Variants in SEC11C observed in about 807,000 individuals in gnomAD.
SEC11C encodes the protein SEC11 homolog C, signal peptidase complex subunit.
In SEC11C, 10 loss-of-function variants were observed where a neutral mutation model predicts 21.9. The ratio of observed to expected loss-of-function variants is 0.46; its 90% CI spans 0.28 to 0.77. SEC11C has a LOEUF of 0.77. Among genes scored for constraint, SEC11C ranks in the 30% least tolerant of loss-of-function variants. The pLI, the probability that SEC11C is intolerant of heterozygous loss-of-function variation, is 0.12. For synonymous variants in SEC11C, 83 were observed against 85.6 expected, an observed-to-expected ratio of 0.97 and a Z score of 0.17; for missense variants, 145 against 244.5, an observed-to-expected ratio of 0.59 and a Z score of 2.71.
chr18:59,150,377 C>T (rs1037193694), intron 2 of SEC11C, among the ~76,000 whole-genome samples: 2 of 152,228 alleles, frequency 1.3e-5, no homozygotes, highest in African/African-American at 4.8e-5. Context: ...CAAACCAGTG[C>T]CCTTTCCCTC....
Position 59,140,017 on chromosome 18 carries a change from G to A in SEC11C, c.69G>A (p.Lys23=). 6.3e-7 allele frequency: 1 copy of A among 1,590,552 alleles called. No individual in the cohort carries two copies. The change falls in exon 1 of 6, where the codon AAG becomes AAA. Residue 23 remains lysine, a synonymous_variant. Coordinates refer to ENST00000587834, the MANE Select transcript of SEC11C (RefSeq NM_033280.4). ...ASGLDIFGDL[K]KMNKRQLYYQ... ...GCTTGGATATCTTCGGGGACCTGAA[G>A]AAGATGAACAAGCGCCAGGTGACGG...
Position 59,158,740 on chromosome 18 carries a change from A to G in SEC11C, c.*55A>G. 7.1e-7 allele frequency: 1 copy of G among 1,401,668 alleles called. No homozygotes were observed. Among genetic ancestry groups the G allele is most frequent in the Non-Finnish European group, 1.0e-6 (1 of 987,610 alleles). 86.8% of individuals were successfully genotyped at this position (1,401,668 alleles called of 1,614,324 possible). On this transcript the variant is annotated 3_prime_UTR_variant, in exon 6 of 6. Transcript: ENST00000587834. ...AAATGAATTCTGTTGAAAAAGAGAA[A>G]AACTAATATATTTGAGATGTTCCAT...
At chr18:59,143,952 A>G (rs1293140264) in intron 1 of SEC11C, among the ~76,000 whole-genome samples, 1 of 151,744 alleles carries the variant, frequency 6.6e-6, no homozygotes, top group African/African-American at 2.4e-5. Flanking sequence ...CCCGGGTTCA[A>G]GCGATTCTTG....
intron 1 of SEC11C, among the ~76,000 whole-genome samples, chr18:59,144,396 A>G (rs1603376554): frequency 6.6e-6 from 1 of 152,222 alleles, no homozygotes; most frequent in African/African-American, 2.4e-5. Context: ...AGCACTAAGT[A>G]TTAGTATTAA....
At position 59,149,560 on chromosome 18, in the gene SEC11C, C is replaced by G. The variant is rs779562364; in HGVS notation, c.135C>G (p.Leu45=). 13 of 1,613,228 alleles carry G rather than the reference C, an allele frequency of 8.1e-6. No individual in the cohort carries two copies. Among genetic ancestry groups the G allele is most frequent in the Non-Finnish European group, 1.0e-5 (12 of 1,179,374 alleles). The change falls in exon 2 of 6, where the codon CTC becomes CTG. Residue 45 remains leucine, a synonymous_variant. Coordinates refer to ENST00000587834, the MANE Select transcript of SEC11C (RefSeq NM_033280.4). ...TCGCCATGATCGTGTCTTCTGCACT[C>G]ATGATATGGAAAGGCTTGATCGTGC... ...LNFAMIVSSA[L]MIWKGLIVLT... is the part of the protein sequence containing the mutation.
intron 1 of SEC11C, among the ~76,000 whole-genome samples, chr18:59,148,483 G>A (rs891069840): frequency 2.6e-5 from 4 of 152,248 alleles, no homozygotes; most frequent in African/African-American, 9.6e-5. Flanking sequence ...CCCATGCCAT[G>A]CTGCAGGGAG....
chr18:59,140,123 C>T, intron 1 of SEC11C, 88 bp downstream of exon 1: 1 of 1,234,568 alleles, frequency 8.1e-7, no homozygotes. Context: ...CTCCGGCTCC[C>T]AGTGAATGCG....
At chr18:59,145,276 C>T (rs2069259036) in intron 1 of SEC11C, among the ~76,000 whole-genome samples, 1 of 152,232 alleles carries the variant, frequency 6.6e-6, no homozygotes, top group South Asian at 2.1e-4. Context: ...TGGCTGCTTT[C>T]CCGCTACATT....
At chr18:59,151,040 A>T (rs549393101) in intron 2 of SEC11C, among the ~76,000 whole-genome samples, 14 of 151,956 alleles carry the variant, frequency 9.2e-5, no homozygotes, top group African/African-American at 3.1e-4. Context: ...TCCCTAAGGG[A>T]TGTGTGGTTT....
intron 1 of SEC11C, chr18:59,147,890 G>C (rs1414005711): frequency 6.6e-6 from 1 of 152,284 alleles, no homozygotes; most frequent in Non-Finnish European, 1.5e-5. Context: ...CACACTGCAT[G>C]CTGAGGGTAT....
chr18:59,139,923 G>T lies in SEC11C; in HGVS notation c.-26G>T. ...CGTCTGTGCCACCCAGAGCCGGCGG[G>T]CCGCTAGGTCCCCGGAGACCCTGCT... On this transcript the variant is annotated 5_prime_UTR_variant, in exon 1 of 6. Transcript: ENST00000587834. The T allele has an allele frequency of 6.7e-7, 1 of 1,499,914 alleles. No individual in the cohort carries two copies. The highest frequency in any genetic ancestry group is 8.9e-7 in the Non-Finnish European group (1 of 1,119,840). 92.9% of individuals were successfully genotyped at this position (1,499,914 alleles called of 1,614,324 possible).
chr18:59,158,029 T>C (rs142058234), intron 5 of SEC11C, among the ~76,000 whole-genome samples: 2,883 of 152,232 alleles, frequency 0.019, 94 homozygotes, highest in African/African-American at 0.066. Context: ...TGTATATATA[T>C]ACACACACAT....
At chr18:59,144,933 A>G (rs1178226921) in intron 1 of SEC11C, among the ~76,000 whole-genome samples, 3 of 151,928 alleles carry the variant, frequency 2.0e-5, no homozygotes, top group Admixed American at 1.3e-4. Context: ...TGCACTCACC[A>G]TTAAAGATGT....
At chr18:59,151,861 C>T (rs2069358909) in intron 2 of SEC11C, among the ~76,000 whole-genome samples, 1 of 152,176 alleles carries the variant, frequency 6.6e-6, no homozygotes, top group African/African-American at 2.4e-5. Context: ...TTTCAGCTTC[C>T]AGCATATCGC....
At chr18:59,141,098 G>A (rs1380974676) in intron 1 of SEC11C, among the ~76,000 whole-genome samples, 1 of 152,072 alleles carries the variant, frequency 6.6e-6, no homozygotes, top group African/African-American at 2.4e-5. Context: ...ATGTGGGGTG[G>A]TGCCCATGGG....
chr18:59,152,525 C>T lies in SEC11C; in HGVS notation c.198-11C>T. ...GGGTAATGCTGATACTGACTTTGTG[C>T]TTCTTTCCAGTGGCAGTATGGAGCC... On this transcript the variant is annotated splice_polypyrimidine_tract_variant and intron_variant, in intron 2 of 5. Coordinates refer to ENST00000587834, the MANE Select transcript of SEC11C (RefSeq NM_033280.4). The T allele has an allele frequency of 6.3e-7, 1 of 1,592,188 alleles. No individual in the cohort carries two copies. Among genetic ancestry groups the T allele is most frequent in the Non-Finnish European group, 8.5e-7 (1 of 1,172,712 alleles).
chr18:59,152,961 TTA>T (rs1246724934), intron 3 of SEC11C: 1 of 217,916 alleles, frequency 4.6e-6, no homozygotes, highest in East Asian at 9.4e-5. Flanking sequence ...GTATGATGTA[TTA>T]TGACATGTTA....
intron 2 of SEC11C, among the ~76,000 whole-genome samples, chr18:59,150,828 A>G (rs1164326902): frequency 6.6e-6 from 1 of 152,222 alleles, no homozygotes; most frequent in African/African-American, 2.4e-5. Context: ...CTGAGGCCCA[A>G]TGAGGCCAAG....
At chr18:59,149,377 G>C in intron 1 of SEC11C, 136 bp from the exon 2 acceptor site, 2 of 548,676 alleles carry the variant, frequency 3.6e-6, no homozygotes, top group Non-Finnish European at 6.7e-6. Context: ...AAATACTGCA[G>C]AATTTTGTAC....
Sources: allele counts gnomAD v4.1 joint callset (sites outside exome capture counted in the v4.1 genomes callset), GRCh38; gene constraint gnomAD v4.1.1; transcripts MANE v1.5; gene names NCBI Gene and HGNC (gene_info 2026-07-23, HGNC 2026-07-21).